The following MEI1 variants were observed in gnomAD, a reference collection of about 807,000 sequenced individuals.
The protein encoded by MEI1 is meiotic double-stranded break formation protein 1, also known as meiosis inhibitor protein 1.
Under a neutral mutation model 146.2 loss-of-function variants are expected in MEI1, and 103 were observed. The observed-to-expected ratio is 0.70, with a 90% CI of 0.60 to 0.83. The LOEUF (loss-of-function observed/expected upper bound fraction) is 0.83. MEI1 is among the 40% of genes least tolerant of loss of function. The pLI is 0.00. For missense variants in MEI1, 1,529 were observed against 1,533.0 expected, an observed-to-expected ratio of 1.00 and a Z score of 0.04; for synonymous variants, 652 against 628.2, an observed-to-expected ratio of 1.04 and a Z score of -0.57.
At chr22:41,778,641 C>A in intron 21 of MEI1, 67 bp from the exon 22 acceptor site, 1 of 1,242,732 alleles carries the variant, frequency 8.0e-7, no homozygotes, top group Non-Finnish European at 1.2e-6. Context: ...TGAAGCAGGG[C>A]AGGGTGTCTG....
intron 20 of MEI1, among the ~76,000 whole-genome samples, chr22:41,773,486 T>C (rs1422891753): frequency 1.4e-5 from 2 of 148,034 alleles, no homozygotes; most frequent in Non-Finnish European, 3.0e-5. Flanking sequence ...ATATAGTTAA[T>C]AAGGGTCATG....
At chr22:41,779,217 G>A (rs957453895) in intron 22 of MEI1, among the ~76,000 whole-genome samples, 3 of 152,142 alleles carry the variant, frequency 2.0e-5, no homozygotes, top group African/African-American at 7.2e-5. Flanking sequence ...GGAGGCTGAG[G>A]CAGCATGTCG....
chr22:41,746,123 G>A (rs2073268886), intron 14 of MEI1, 97 bp downstream of exon 14: 2 of 1,210,566 alleles, frequency 1.7e-6, no homozygotes, highest in African/African-American at 3.0e-5. Context: ...ACTGCTCAAA[G>A]GAACTCTCTG....
chr22:41,708,686 G>A (rs1285585254), intron 3 of MEI1, among the ~76,000 whole-genome samples: 1 of 152,176 alleles, frequency 6.6e-6, no homozygotes, highest in Non-Finnish European at 1.5e-5. Context: ...TGACTTTCAG[G>A]AAGTGAAATG....
At chr22:41,726,123 C>A (rs773130975) in intron 7 of MEI1, among the ~76,000 whole-genome samples, 2 of 152,042 alleles carry the variant, frequency 1.3e-5, no homozygotes, top group Non-Finnish European at 2.9e-5. Flanking sequence ...ACTAAAAATA[C>A]AAAAATTAGC....
intron 14 of MEI1, 70 bp downstream of exon 14, chr22:41,746,096 A>G: frequency 6.9e-7 from 1 of 1,458,944 alleles, no homozygotes; most frequent in Admixed American, 2.1e-5. Flanking sequence ...AGCCAGGCTC[A>G]GAGGCATAAG....
chr22:41,722,511 C>G (rs1241057773), intron 6 of MEI1, among the ~76,000 whole-genome samples: 1 of 138,426 alleles, frequency 7.2e-6, no homozygotes, highest in African/African-American at 2.8e-5. Context: ...TCCCACTATG[C>G]TCATAAGCTG....
chr22:41,763,100 C>T (rs1319112785), intron 18 of MEI1, 74 bp from the exon 19 acceptor site: 7 of 1,534,952 alleles, frequency 4.6e-6, no homozygotes, highest in Admixed American at 3.6e-5. Flanking sequence ...AGGAAGGATG[C>T]GGCCAGGCAG....
chr22:41,777,832 CCTTCCTTCATTCCTTCCCTG>C (rs2075538588), intron 21 of MEI1, among the ~76,000 whole-genome samples: 1 of 151,740 alleles, frequency 6.6e-6, no homozygotes, highest in Non-Finnish European at 1.5e-5. Context: ...TTCCCTCCTT[CCTTCCTTCATTCCTTCCCTG>C]CTTCCTTCCT....
At chr22:41,745,811 A>T in intron 13 of MEI1, 74 bp from the exon 14 acceptor site, 1 of 1,452,808 alleles carries the variant, frequency 6.9e-7, no homozygotes, top group Non-Finnish European at 9.2e-7. Context: ...ACTCCCCGCC[A>T]CCCCCCAGGA....
At position 41,776,062 on chromosome 22, in the gene MEI1, C is replaced by T. The variant is rs751819390; in HGVS notation, c.2545-40C>T. The T allele has an allele frequency of 6.9e-6, 11 of 1,601,836 alleles. No individual in the cohort carries two copies. The South Asian group carries it at 9.9e-5, about 14-fold the overall frequency. ...CCTCATTGTCACTTTTCCCCAACTGCAGTACCCTCTGATCTCTGGCTTTCT... is the reference window on the plus strand; with the variant it reads ...CCTCATTGTCACTTTTCCCCAACTGTAGTACCCTCTGATCTCTGGCTTTCT... On this transcript the variant is annotated intron_variant, in intron 20 of 30. Transcript: ENST00000401548.
chr22:41,725,556 C>G (rs184846047), intron 7 of MEI1, among the ~76,000 whole-genome samples: 58 of 152,318 alleles, frequency 3.8e-4, no homozygotes, highest in Non-Finnish European at 7.5e-4. Context: ...ATCTGGATAT[C>G]CTTCAGCCTC....
At chr22:41,753,303 C>G (rs532585819) in intron 16 of MEI1, among the ~76,000 whole-genome samples, 42 of 151,974 alleles carry the variant, frequency 2.8e-4, no homozygotes, top group African/African-American at 1.0e-3. Flanking sequence ...TGGCTGGCCA[C>G]AAAAGTTTTG....
At chr22:41,707,705 A>C (rs962867877) in intron 3 of MEI1, among the ~76,000 whole-genome samples, 3 of 152,238 alleles carry the variant, frequency 2.0e-5, no homozygotes, top group African/African-American at 7.2e-5. Context: ...GGGAAGACTT[A>C]CATGAATGGG....
rs372413582 is a variant in MEI1 at position 41,793,090 on chromosome 22, GGCTGGA to G, written c.3346-737_3346-732del. ...AGATAGAGTCTTGCTCTGTTGCCCAGGCTGGAGTGCAGTGGCATGATCGTGGCTCAT... is the reference window on the plus strand; with the variant it reads ...AGATAGAGTCTTGCTCTGTTGCCCAGGTGCAGTGGCATGATCGTGGCTCAT... On this transcript the variant is annotated intron_variant, in intron 26 of 30. Transcript: ENST00000401548. 1.2e-3 allele frequency among the ~76,000 whole-genome samples: 163 copies of G among 135,982 alleles called. 1 individual carries two copies. Among genetic ancestry groups the G allele is most frequent in the African/African-American group, 4.1e-3 (154 of 37,318 alleles). The allele number at this position is 135,982 out of a possible 152,430, so 89.2% of individuals were successfully genotyped here.
chr22:41,759,869 A>G (rs1319423951), intron 18 of MEI1, among the ~76,000 whole-genome samples: 2 of 151,914 alleles, frequency 1.3e-5, no homozygotes, highest in African/African-American at 4.8e-5. Context: ...GTTCTTTCTT[A>G]AGCCGTAAGA....
At chr22:41,723,332 C>T (rs181014784) in intron 6 of MEI1, among the ~76,000 whole-genome samples, 5 of 152,252 alleles carry the variant, frequency 3.3e-5, no homozygotes, top group African/African-American at 1.2e-4. Context: ...CCTGCCTCAA[C>T]CTCCTGAGTA....
At position 41,716,084 on chromosome 22, in the gene MEI1, C is replaced by A; in HGVS notation, c.467C>A (p.Thr156Asn). The change falls in exon 5 of 31, where the codon ACC becomes AAC. Residue 156 changes from threonine to asparagine, a missense_variant. Transcript: ENST00000401548. The part of the protein sequence containing the change: ...PSMRGSLATL[T>N]LLGKLVDAIP... Reference sequence around the variant, plus strand: ...ATGCGAGGCAGCCTGGCCACCCTGACCCTTCTTGGCAAGTTGGTGGATGCC... The same window carrying A: ...ATGCGAGGCAGCCTGGCCACCCTGAACCTTCTTGGCAAGTTGGTGGATGCC... The A allele has an allele frequency of 6.2e-7, 1 of 1,612,070 alleles. No individual in the cohort carries two copies. The highest frequency in any genetic ancestry group is 8.5e-7 in the Non-Finnish European group (1 of 1,179,164).
Position 41,758,457 on chromosome 22 carries a change from T to C in MEI1, c.2044T>C (p.Tyr682His). 6.2e-7 allele frequency: 1 copy of C among 1,613,946 alleles called. No individual in the cohort carries two copies. The highest frequency in any genetic ancestry group is 1.6e-4 in the Middle Eastern group (1 of 6,062). The part of the protein sequence containing the change: ...ESLAFLSDRQ[Y>H]MEGAARQRQY... ...CCTTGCCTTCCTGTCTGATCGCCAG[T>C]ACATGGAGGGAGCTGCTCGCCAGAG... The change falls in exon 18 of 31, where the codon TAC (tyrosine) becomes CAC (histidine). Residue 682 changes from tyrosine (Y) to histidine (H), a missense_variant. Physicochemically the swap from Tyr to His is moderately conservative, Grantham distance 83. Around this residue, in one of 3 missense-constraint regions of MEI1, gnomAD observed 1,212 missense variants for 1,178.9 expected, o/e 1.03. Coordinates refer to ENST00000401548, the MANE Select transcript of MEI1 (RefSeq NM_152513.4).
Sources: gnomAD v4.1 joint callset for allele counts (sites outside exome capture counted in the v4.1 genomes callset) on GRCh38, gnomAD v4.1.1 for gene constraint, gnomAD v4.1.1 regional missense constraint, MANE v1.5 for transcripts, NCBI Gene and HGNC (gene_info 2026-07-23, HGNC 2026-07-21) for gene names.